The following SUMF1 variants were observed in gnomAD, a reference collection of about 807,000 sequenced individuals.
SUMF1 encodes the protein formylglycine-generating enzyme.
A neutral mutation model predicts 47.6 loss-of-function variants in SUMF1; 48 were observed. The ratio of observed to expected loss-of-function variants is 1.01; its 90% CI spans 0.80 to 1.28. SUMF1 has a LOEUF of 1.28. Ranked by LOEUF, SUMF1 falls within the 50% of genes most tolerant of loss-of-function variation. The pLI is 0.00. For synonymous variants in SUMF1, 230 were observed against 192.1 expected (o/e 1.20, Z -1.63); for missense variants, 571 against 485.4 (o/e 1.18, Z -1.66).
At chr3:4,192,539 T>C (rs1695341304) in intron 8 of SUMF1, among the ~76,000 whole-genome samples, 1 of 152,122 alleles carries the variant, frequency 6.6e-6, no homozygotes. Flanking sequence ...AAAAAATACA[T>C]ACTATTGTAT....
intron 8 of SUMF1, among the ~76,000 whole-genome samples, chr3:4,224,073 G>A (rs1459453641): frequency 6.6e-6 from 1 of 152,044 alleles, no homozygotes. Context: ...GGTGGAGTGT[G>A]ATGAAGATGG....
chr3:4,065,605 C>A (rs576169614), intron 9 of SUMF1, among the ~76,000 whole-genome samples: 5 of 152,010 alleles, frequency 3.3e-5, no homozygotes, highest in African/African-American at 9.7e-5. Context: ...TAAAGCAGTG[C>A]TAATTCCTTA....
chr3:4,362,456 T>C (rs2125177158), intron 8 of SUMF1, among the ~76,000 whole-genome samples: 1 of 152,316 alleles, frequency 6.6e-6, no homozygotes, highest in Middle Eastern at 3.4e-3. Flanking sequence ...CTTATAAATG[T>C]AACACGGATA....
At chr3:4,367,640 A>G (rs1013716409) in intron 8 of SUMF1, among the ~76,000 whole-genome samples, 11 of 152,156 alleles carry the variant, frequency 7.2e-5, no homozygotes, top group African/African-American at 2.7e-4. Flanking sequence ...AAACAGAGAT[A>G]TAGATCAATG....
At chr3:4,169,532 T>TCA (rs1694787069) in intron 8 of SUMF1, among the ~76,000 whole-genome samples, 1 of 152,142 alleles carries the variant, frequency 6.6e-6, no homozygotes, top group Non-Finnish European at 1.5e-5. Flanking sequence ...CACTAGAGCC[T>TCA]TTAGAAGAAG....
At chr3:4,176,157 G>A (rs1013025594) in intron 8 of SUMF1, among the ~76,000 whole-genome samples, 12 of 152,092 alleles carry the variant, frequency 7.9e-5, no homozygotes, top group African/African-American at 2.7e-4. Flanking sequence ...AAGAAGACAG[G>A]CCAACATTCA....
intron 8 of SUMF1, among the ~76,000 whole-genome samples, chr3:4,138,429 G>A (rs1289798437): frequency 4.6e-5 from 7 of 152,080 alleles, no homozygotes; most frequent in African/African-American, 1.7e-4. Flanking sequence ...GGGGCTTTTG[G>A]ATATTCCATG....
intron 8 of SUMF1, among the ~76,000 whole-genome samples, chr3:4,232,818 G>A (rs1408904255): frequency 2.0e-5 from 3 of 152,032 alleles, no homozygotes; most frequent in East Asian, 1.9e-4. Flanking sequence ...GAAAGAATGG[G>A]ATTCCAATGC....
chr3:4,259,439 T>G (rs181124889), intron 8 of SUMF1, among the ~76,000 whole-genome samples: 4 of 152,320 alleles, frequency 2.6e-5, no homozygotes, highest in African/African-American at 9.6e-5. Context: ...GATCATATGA[T>G]CATTCAACAT....
chr3:4,237,116 T>C (rs1661047775), intron 8 of SUMF1, among the ~76,000 whole-genome samples: 1 of 152,134 alleles, frequency 6.6e-6, no homozygotes, highest in Non-Finnish European at 1.5e-5. Context: ...CATAGGGATA[T>C]ATCATAGTTT....
intron 8 of SUMF1, among the ~76,000 whole-genome samples, chr3:4,236,617 TG>T (rs1696415808): frequency 6.6e-6 from 1 of 151,952 alleles, no homozygotes; most frequent in Non-Finnish European, 1.5e-5. Context: ...AAACAAACTT[TG>T]TTCTCTAGAG....
chr3:4,162,399 C>T (rs1003531723), intron 8 of SUMF1, among the ~76,000 whole-genome samples: 1 of 152,146 alleles, frequency 6.6e-6, no homozygotes, highest in Admixed American at 6.5e-5. Context: ...ACTTGCAGTC[C>T]TTGTGGCCTA....
intron 1 of SUMF1, among the ~76,000 whole-genome samples, chr3:4,466,444 C>A (rs900596751): frequency 6.6e-6 from 1 of 152,154 alleles, no homozygotes; most frequent in African/African-American, 2.4e-5. Flanking sequence ...GCACCTAACA[C>A]ATACAGGCGC....
chr3:4,228,628 G>A (rs972385318), intron 8 of SUMF1, among the ~76,000 whole-genome samples: 3 of 152,114 alleles, frequency 2.0e-5, no homozygotes, highest in African/African-American at 7.2e-5. Context: ...TGGTTACTGA[G>A]AAGTTCAAAC....
chr3:4,269,254 G>A (rs1384204139), intron 8 of SUMF1, among the ~76,000 whole-genome samples: 3 of 152,100 alleles, frequency 2.0e-5, no homozygotes, highest in African/African-American at 4.8e-5. Flanking sequence ...CATGTGCCAT[G>A]TTGCTGTGCT....
intron 7 of SUMF1, among the ~76,000 whole-genome samples, chr3:4,404,093 G>A (rs1701300046): frequency 6.6e-6 from 1 of 152,160 alleles, no homozygotes; most frequent in Non-Finnish European, 1.5e-5. Flanking sequence ...GTGTCTGCAG[G>A]ATCTAAATAT....
chr3:4,134,684 C>T (rs920906933), intron 8 of SUMF1, among the ~76,000 whole-genome samples: 5 of 151,990 alleles, frequency 3.3e-5, no homozygotes, highest in African/African-American at 4.8e-5. Flanking sequence ...AATCCAGGAG[C>T]TGGTTTTTTG....
At chr3:4,446,582 T>C (rs1160076972) in intron 3 of SUMF1, among the ~76,000 whole-genome samples, 1 of 152,146 alleles carries the variant, frequency 6.6e-6, no homozygotes, top group Non-Finnish European at 1.5e-5. Context: ...CCGCTAACAT[T>C]ATAAAAAGAA....
intron 8 of SUMF1, among the ~76,000 whole-genome samples, chr3:4,336,723 C>T (rs1330744475): frequency 6.6e-6 from 1 of 152,124 alleles, no homozygotes; most frequent in African/African-American, 2.4e-5. Flanking sequence ...AGCTGAATGC[C>T]CAGGCATGAT....
Sources: gnomAD v4.1 joint callset for allele counts (sites outside exome capture counted in the v4.1 genomes callset) on GRCh38, gnomAD v4.1.1 for gene constraint, MANE v1.5 for transcripts, NCBI Gene and HGNC (gene_info 2026-07-23, HGNC 2026-07-21) for gene names.